SEMA4A: variants seen among roughly 807,000 people sequenced by gnomAD.
The protein encoded by SEMA4A is semaphorin 4A.
Under a neutral mutation model 72.5 loss-of-function variants are expected in SEMA4A, and 52 were observed. That is an observed-to-expected ratio of 0.72 (90% CI 0.57 to 0.90). SEMA4A has a LOEUF of 0.90. Ranked by LOEUF, SEMA4A falls within the 40% of genes least tolerant of loss-of-function variation. The pLI, the probability that SEMA4A is intolerant of heterozygous loss-of-function variation, is 0.00. For missense variants in SEMA4A, 926 were observed against 959.7 expected, an observed-to-expected ratio of 0.96 and a Z score of 0.46; for synonymous variants, 369 against 393.1, an observed-to-expected ratio of 0.94 and a Z score of 0.73.
Position 156,175,256 on chromosome 1 carries a change from C to G in SEMA4A, c.1592+13C>G, listed in dbSNP as rs1655204751. The G allele has an allele frequency of 6.2e-7, 1 of 1,604,118 alleles. No individual in the cohort carries two copies. The highest frequency in any genetic ancestry group is 8.5e-7 in the Non-Finnish European group (1 of 1,174,638). On this transcript the variant is annotated intron_variant, in intron 13 of 14. Coordinates refer to ENST00000368285, the MANE Select transcript of SEMA4A (RefSeq NM_022367.4). The stretch of plus-strand genomic sequence containing the variant: ...CTGCCCCCAACCTGTGAGTGCCAGT[C>G]CTGGATGGTGGCCTGGATGGCCAGC...
chr1:156,158,675 T>A, intron 5 of SEMA4A, 44 bp from the exon 6 acceptor site: 1 of 1,504,238 alleles, frequency 6.6e-7, no homozygotes. Flanking sequence ...TTCCCAGATG[T>A]GAGACCTTGG....
At chr1:156,156,225 C>A (rs892877238) in intron 2 of SEMA4A, 189 bp from the exon 3 acceptor site, 176 of 646,616 alleles carry the variant, frequency 2.7e-4, no homozygotes, top group Non-Finnish European at 4.1e-4. Context: ...CTACTGCGGG[C>A]TCAGCACACA....
intron 10 of SEMA4A, among the ~76,000 whole-genome samples, chr1:156,165,930 G>A (rs1432320558): frequency 2.2e-5 from 2 of 90,674 alleles, no homozygotes; most frequent in African/African-American, 8.9e-5. Context: ...TTTTTGAGAT[G>A]GAGTCTTGCT....
intron 10 of SEMA4A, 45 bp from the exon 11 acceptor site, chr1:156,172,781 A>C: frequency 2.6e-6 from 4 of 1,567,828 alleles, no homozygotes; most frequent in Non-Finnish European, 3.5e-6. Context: ...GGGTGAGCTG[A>C]GGGGAAGGGG....
At chr1:156,172,738 G>A in intron 10 of SEMA4A, 88 bp from the exon 11 acceptor site, 1 of 1,220,526 alleles carries the variant, frequency 8.2e-7, no homozygotes, top group South Asian at 1.2e-5. Flanking sequence ...CATGAGGGAG[G>A]GGGTAAAGGG....
chr1:156,174,774 A>C, intron 11 of SEMA4A, 48 bp from the exon 12 acceptor site: 2 of 1,613,752 alleles, frequency 1.2e-6, no homozygotes, highest in South Asian at 2.2e-5. Flanking sequence ...TTGGGAAGGG[A>C]TCTGTGGATG....
rs1225469909 is a variant in SEMA4A, at chr1:156,171,776, TTA to T, written c.1135-1049_1135-1048del. Reference sequence around the variant, plus strand: ...ATTTTTTAATTAATTAATTAATTAATTAATTAATTTATTTATTTTGTTTTTGA... The same window carrying T: ...ATTTTTTAATTAATTAATTAATTAATATTAATTTATTTATTTTGTTTTTGA... On this transcript the variant is annotated intron_variant, in intron 10 of 14. Transcript: ENST00000368285. Among the ~76,000 whole-genome samples the T allele has an allele frequency of 3.8e-4, 58 of 151,532 alleles. No individual in the cohort carries two copies. In the South Asian group the frequency reaches 8.5e-3, roughly 22 times the overall value.
chr1:156,149,711 G>A (rs566695331), upstream of SEMA4A: 1 of 152,392 alleles, frequency 6.6e-6, no homozygotes, highest in Admixed American at 6.5e-5. Flanking sequence ...AGAGGAATGG[G>A]CCCCAGCTGA....
chr1:156,152,052 G>A (rs1337571520), upstream of SEMA4A, among the ~76,000 whole-genome samples: 1 of 152,072 alleles, frequency 6.6e-6, no homozygotes, highest in South Asian at 2.1e-4. Flanking sequence ...CTAGGACTCT[G>A]TAGAGTCTTT....
intron 10 of SEMA4A, among the ~76,000 whole-genome samples, chr1:156,167,917 T>C (rs1285720064): frequency 6.6e-6 from 1 of 152,124 alleles, no homozygotes; most frequent in Non-Finnish European, 1.5e-5. Context: ...GTTTTTTTGT[T>C]TGTTTGTTTT....
chr1:156,163,158 A>G, intron 10 of SEMA4A, 64 bp downstream of exon 10: 5 of 1,573,808 alleles, frequency 3.2e-6, no homozygotes, highest in Non-Finnish European at 3.5e-6. Flanking sequence ...AAAAACACCT[A>G]TCATGGCATA....
chr1:156,156,635 T>C, intron 3 of SEMA4A, 61 bp downstream of exon 3: 1 of 1,550,420 alleles, frequency 6.4e-7, no homozygotes, highest in African/African-American at 1.4e-5. Flanking sequence ...GCAGCTACCC[T>C]GGGCTTGGCT....
chr1:156,166,850 A>G (rs1210695986), intron 10 of SEMA4A, among the ~76,000 whole-genome samples: 1 of 151,878 alleles, frequency 6.6e-6, no homozygotes, highest in African/African-American at 2.4e-5. Flanking sequence ...AATCTCTTGA[A>G]CCCAGGAGGT....
chr1:156,168,885 T>G (rs907011799), intron 10 of SEMA4A, among the ~76,000 whole-genome samples: 12 of 152,196 alleles, frequency 7.9e-5, no homozygotes, highest in African/African-American at 2.9e-4. Context: ...TGGCTCTTGG[T>G]GTCTGGGAGC....
At chr1:156,161,251 G>T (rs1405575324) in intron 8 of SEMA4A, 95 bp from the exon 9 acceptor site, 13 of 866,904 alleles carry the variant, frequency 1.5e-5, no homozygotes, top group African/African-American at 2.2e-5. Context: ...GGCGGGGACT[G>T]GGGGGACACG....
In SEMA4A at chr1:156,177,125, T is replaced by G. The variant is rs922610221; in HGVS notation, c.*128T>G. 1.2e-6 allele frequency: 1 copy of G among 819,730 alleles called. No individual in the cohort carries two copies. The highest frequency in any genetic ancestry group is 2.0e-6 in the Non-Finnish European group (1 of 493,552). 50.8% of individuals were successfully genotyped at this position (819,730 alleles called of 1,614,324 possible). ...TTTCTCCCCTGAGAGGAGCTTCTGCTACTCTGCATCACTGATGACACTCAG... is the reference window on the plus strand; with the variant it reads ...TTTCTCCCCTGAGAGGAGCTTCTGCGACTCTGCATCACTGATGACACTCAG... On this transcript the variant is annotated 3_prime_UTR_variant, in exon 15 of 15. Coordinates refer to ENST00000368285, the MANE Select transcript of SEMA4A (RefSeq NM_022367.4).
Position 156,158,400 on chromosome 1 carries a change from A to C in SEMA4A, c.376A>C (p.Asn126His). ...CTGTCTCCCTCAGACACAGTGTTTC[A>C]ACTTCATCCGTGTCCTGGTTTCTTA... ...KKKSNETQCF[N>H]FIRVLVSYNV... The change falls in exon 5 of 15, where the codon AAC (asparagine) becomes CAC (histidine). Residue 126 changes from asparagine (N) to histidine (H), a missense_variant. By Grantham distance (68) the Asn-to-His change is moderately conservative. Coordinates refer to ENST00000368285, the MANE Select transcript of SEMA4A (RefSeq NM_022367.4). The C allele has an allele frequency of 1.2e-6, 2 of 1,613,616 alleles. No individual in the cohort carries two copies. The highest frequency in any genetic ancestry group is 1.7e-6 in the Non-Finnish European group (2 of 1,179,564).
chr1:156,169,966 AG>A (rs1654548823), intron 10 of SEMA4A, among the ~76,000 whole-genome samples: 1 of 151,484 alleles, frequency 6.6e-6, no homozygotes, highest in Non-Finnish European at 1.5e-5. Context: ...TGGAGGTTGC[AG>A]TGAGCCGAGA....
At chr1:156,167,695 G>T (rs1318649743) in intron 10 of SEMA4A, among the ~76,000 whole-genome samples, 2 of 152,082 alleles carry the variant, frequency 1.3e-5, no homozygotes, top group Non-Finnish European at 2.9e-5. Context: ...TTGGTTTGGA[G>T]GAGGGGCAAG....
Sources: allele counts gnomAD v4.1 joint callset (sites outside exome capture counted in the v4.1 genomes callset), GRCh38; gene constraint gnomAD v4.1.1; transcripts MANE v1.5; gene names NCBI Gene and HGNC (gene_info 2026-07-23, HGNC 2026-07-21).